DCC: variants seen among roughly 807,000 people sequenced by gnomAD.
The protein encoded by DCC is netrin receptor DCC.
In DCC, 58 loss-of-function variants were observed where a neutral mutation model predicts 172.5. The observed-to-expected ratio is 0.34, with a 90% CI of 0.27 to 0.42. The LOEUF (loss-of-function observed/expected upper bound fraction) is 0.42, where lower values mean the gene tolerates loss of function less well. Ranked by LOEUF, DCC falls within the 10% of genes least tolerant of loss-of-function variation. The pLI is 1.00. For synonymous variants in DCC, 709 were observed against 644.5 expected (o/e 1.10, Z -1.52); for missense variants, 1,740 against 1,791.0 (o/e 0.97, Z 0.51).
At chr18:53,519,446 C>A (rs145715621) in intron 27 of DCC, among the ~76,000 whole-genome samples, 29 of 151,992 alleles carry the variant, frequency 1.9e-4, no homozygotes, top group Middle Eastern at 3.4e-3. Flanking sequence ...GTGATTTTTC[C>A]AACTTCTCAG....
At chr18:52,802,683 T>A (rs11876224) in intron 2 of DCC, among the ~76,000 whole-genome samples, 8,917 of 110,602 alleles carry the variant, frequency 0.081, 570 homozygotes, top group South Asian at 0.19. Context: ...TTTTTTTTTT[T>A]AATGGAGACA....
At chr18:52,725,365 A>T (rs961690977) in intron 1 of DCC, among the ~76,000 whole-genome samples, 1 of 152,218 alleles carries the variant, frequency 6.6e-6, no homozygotes, top group Non-Finnish European at 1.5e-5. Context: ...GAGAATAACA[A>T]GTTGCTCAAA....
intron 1 of DCC, among the ~76,000 whole-genome samples, chr18:52,751,135 ATT>A (rs2036988065): frequency 6.6e-6 from 1 of 152,202 alleles, no homozygotes; most frequent in South Asian, 2.1e-4. Flanking sequence ...AGCCCCAAAG[ATT>A]GTTCAAAATG....
chr18:53,352,592 T>C (rs184682814), intron 15 of DCC, among the ~76,000 whole-genome samples: 43 of 152,316 alleles, frequency 2.8e-4, no homozygotes, highest in African/African-American at 9.6e-4. Flanking sequence ...TTCATTATTT[T>C]ACTTTAAAAC....
At chr18:52,967,711 T>C (rs1284776322) in intron 5 of DCC, among the ~76,000 whole-genome samples, 1 of 152,204 alleles carries the variant, frequency 6.6e-6, no homozygotes, top group Non-Finnish European at 1.5e-5. Flanking sequence ...AGATGAGCTT[T>C]CACATTCAAT....
intron 5 of DCC, among the ~76,000 whole-genome samples, chr18:53,003,353 T>C (rs1484047313): frequency 6.6e-6 from 1 of 152,166 alleles, no homozygotes; most frequent in Non-Finnish European, 1.5e-5. Flanking sequence ...TAATACACAT[T>C]GAACTTAGTA....
At chr18:52,647,592 A>G (rs928751232) in intron 1 of DCC, among the ~76,000 whole-genome samples, 2 of 152,210 alleles carry the variant, frequency 1.3e-5, no homozygotes, top group Admixed American at 6.5e-5. Context: ...TGCAACAGCC[A>G]CTTGGAAACA....
chr18:52,408,861 C>T (rs1328988715), intron 1 of DCC, among the ~76,000 whole-genome samples: 12 of 152,044 alleles, frequency 7.9e-5, no homozygotes, highest in Admixed American at 7.9e-4. Context: ...TCTGAGTTCT[C>T]TTTAAAGGGC....
intron 7 of DCC, among the ~76,000 whole-genome samples, chr18:53,080,064 A>T (rs2042778466): frequency 6.6e-6 from 1 of 152,076 alleles, no homozygotes; most frequent in African/African-American, 2.4e-5. Context: ...TGGTAGAAAG[A>T]GGGACTAGAA....
chr18:52,794,150 T>C (rs7233401), intron 2 of DCC, among the ~76,000 whole-genome samples: 112,859 of 152,038 alleles, frequency 0.74, 42,667 homozygotes, highest in East Asian at 0.91. Context: ...TGTTTCCACA[T>C]AAATTTTAGT....
intron 2 of DCC, chr18:52,816,975 A>G (rs1235262080): frequency 6.6e-6 from 1 of 152,058 alleles, no homozygotes. Flanking sequence ...TTTCATCCTG[A>G]TTGTCCTTCC....
chr18:53,192,639 C>A (rs1316602858), intron 9 of DCC, among the ~76,000 whole-genome samples: 1 of 151,938 alleles, frequency 6.6e-6, no homozygotes, highest in Non-Finnish European at 1.5e-5. Context: ...TTGTGATGTG[C>A]CCATTAATAG....
chr18:53,031,001 A>G (rs1288885350), intron 5 of DCC, among the ~76,000 whole-genome samples: 3 of 152,142 alleles, frequency 2.0e-5, no homozygotes, highest in Non-Finnish European at 4.4e-5. Context: ...GCTCACGCCT[A>G]TAATCCCAGC....
chr18:52,478,502 G>A (rs2848808), intron 1 of DCC, among the ~76,000 whole-genome samples: 1 of 152,124 alleles, frequency 6.6e-6, no homozygotes, highest in Non-Finnish European at 1.5e-5. Context: ...CACTGTATTA[G>A]GCCATTCTGT....
At chr18:52,442,504 C>G (rs1321524016) in intron 1 of DCC, among the ~76,000 whole-genome samples, 1 of 152,032 alleles carries the variant, frequency 6.6e-6, no homozygotes, top group Admixed American at 6.5e-5. Flanking sequence ...GTATTGGAGC[C>G]CATTTTTCAA....
chr18:52,567,576 A>G (rs1413799176), intron 1 of DCC, among the ~76,000 whole-genome samples: 1 of 152,148 alleles, frequency 6.6e-6, no homozygotes, highest in Non-Finnish European at 1.5e-5. Context: ...AAAGACAAAT[A>G]CCACATGTTT....
intron 10 of DCC, among the ~76,000 whole-genome samples, chr18:53,206,470 A>G (rs1461022857): frequency 7.4e-6 from 1 of 134,860 alleles, no homozygotes; most frequent in African/African-American, 2.7e-5. Flanking sequence ...TGTTATATAT[A>G]GTATATATAA....
At chr18:53,103,625 C>G (rs1447256114) in intron 7 of DCC, among the ~76,000 whole-genome samples, 1 of 152,074 alleles carries the variant, frequency 6.6e-6, no homozygotes, top group African/African-American at 2.4e-5. Context: ...ATTTGCTTAT[C>G]TAATCCTAAA....
At chr18:52,632,918 G>A (rs2034704200) in intron 1 of DCC, among the ~76,000 whole-genome samples, 1 of 152,058 alleles carries the variant, frequency 6.6e-6, no homozygotes, top group African/African-American at 2.4e-5. Context: ...TCACTTTCAG[G>A]AACGGTTTGC....
Sources: allele counts gnomAD v4.1 joint callset (sites outside exome capture counted in the v4.1 genomes callset), GRCh38; gene constraint gnomAD v4.1.1; transcripts MANE v1.5; gene names NCBI Gene and HGNC (gene_info 2026-07-23, HGNC 2026-07-21).